USP43: variants seen among roughly 807,000 people sequenced by gnomAD.
USP43 encodes ubiquitin carboxyl-terminal hydrolase 43.
In USP43, 33 loss-of-function variants were observed where a neutral mutation model predicts 90.7. That is an observed-to-expected ratio of 0.36 (90% CI 0.28 to 0.49). The LOEUF (loss-of-function observed/expected upper bound fraction) is 0.49. Among genes scored for constraint, USP43 ranks in the 20% least tolerant of loss-of-function variants. The pLI is 0.98. For missense variants in USP43, 1,274 were observed against 1,476.4 expected, an observed-to-expected ratio of 0.86 and a Z score of 2.25; for synonymous variants, 598 against 615.8, an observed-to-expected ratio of 0.97 and a Z score of 0.43.
intron 5 of USP43, among the ~76,000 whole-genome samples, chr17:9,677,205 T>C (rs1275775055): frequency 6.6e-6 from 1 of 152,212 alleles, no homozygotes; most frequent in African/African-American, 2.4e-5. Flanking sequence ...TCATGCCTGA[T>C]TTAATCACAG....
chr17:9,725,009 T>A (rs574108389), intron 14 of USP43, among the ~76,000 whole-genome samples: 1 of 152,160 alleles, frequency 6.6e-6, no homozygotes, highest in Admixed American at 6.5e-5. Context: ...GATTGATGCA[T>A]ACTTCATTGG....
At chr17:9,722,288 C>A (rs1917002578) in intron 14 of USP43, among the ~76,000 whole-genome samples, 1 of 152,132 alleles carries the variant, frequency 6.6e-6, no homozygotes, top group Non-Finnish European at 1.5e-5. Flanking sequence ...TGCCTGCTAT[C>A]ATTTTGCCCC....
At chr17:9,660,313 G>A (rs1414857065) in intron 2 of USP43, among the ~76,000 whole-genome samples, 1 of 152,032 alleles carries the variant, frequency 6.6e-6, no homozygotes, top group Non-Finnish European at 1.5e-5. Context: ...ACCATGCCTG[G>A]CTAATTTTTG....
chr17:9,658,689 G>A (rs1043156563), intron 2 of USP43, among the ~76,000 whole-genome samples: 6 of 152,176 alleles, frequency 3.9e-5, no homozygotes, highest in South Asian at 2.1e-4. Context: ...ACCCCTTTTC[G>A]TTGTGACAGA....
intron 5 of USP43, among the ~76,000 whole-genome samples, chr17:9,677,581 T>C (rs1913867322): frequency 6.6e-6 from 1 of 152,122 alleles, no homozygotes; most frequent in Non-Finnish European, 1.5e-5. Context: ...TCATGAGGAA[T>C]AGGGAGGAGG....
rs773968712 is a variant in USP43, at chr17:9,727,985, C to T, written c.2367C>T (p.Gly789=). The change falls in exon 15 of 15, where the codon GGC becomes GGT. Residue 789 remains glycine (G), a synonymous_variant. Transcript: ENST00000285199. Reference sequence around the variant, plus strand: ...TGGAGCCCAGGCGTTTGGTACGGGGCGTGAAAGGCAGAAGCATTAGCATGA... The same window carrying T: ...TGGAGCCCAGGCGTTTGGTACGGGGTGTGAAAGGCAGAAGCATTAGCATGA... ...GGLEPRRLVR[G]VKGRSISMKA... is the part of the protein sequence containing the mutation. The T allele has an allele frequency of 1.4e-5, 23 of 1,610,338 alleles. No homozygotes were observed. Among genetic ancestry groups the T allele is most frequent in the Admixed American group, 3.3e-5 (2 of 59,868 alleles).
chr17:9,660,544 C>T (rs1912569616), intron 2 of USP43, among the ~76,000 whole-genome samples: 2 of 152,194 alleles, frequency 1.3e-5, no homozygotes, highest in Admixed American at 6.5e-5. Flanking sequence ...CTCCACACCA[C>T]CACTAGATAG....
intron 12 of USP43, among the ~76,000 whole-genome samples, chr17:9,707,281 G>A (rs987751991): frequency 6.6e-6 from 1 of 152,078 alleles, no homozygotes; most frequent in Non-Finnish European, 1.5e-5. Flanking sequence ...AATTTCATGA[G>A]TCGATAATTA....
chr17:9,711,909 G>T (rs1025747408), intron 13 of USP43, 59 bp from the exon 14 acceptor site: 3 of 1,497,076 alleles, frequency 2.0e-6, no homozygotes, highest in Admixed American at 2.2e-5. Flanking sequence ...GAGATGCTCC[G>T]CTAGGACTCT....
chr17:9,676,704 C>T, intron 4 of USP43, 42 bp from the exon 5 acceptor site: 2 of 1,591,380 alleles, frequency 1.3e-6, no homozygotes, highest in Non-Finnish European at 1.7e-6. Context: ...ATTCACAGTT[C>T]ATGTCAGTCC....
At chr17:9,713,390 A>G (rs1342167824) in intron 14 of USP43, among the ~76,000 whole-genome samples, 1 of 151,978 alleles carries the variant, frequency 6.6e-6, no homozygotes, top group Non-Finnish European at 1.5e-5. Context: ...CACCTGGCCT[A>G]TTTGTACCTA....
chr17:9,649,582 T>C (rs1280922368), intron 1 of USP43, among the ~76,000 whole-genome samples: 1 of 151,378 alleles, frequency 6.6e-6, no homozygotes, highest in Non-Finnish European at 1.5e-5. Context: ...CTTATGTCCA[T>C]GTGTACCCAA....
Position 9,728,528 on chromosome 17 carries a change from CT to C in USP43, c.2911del (p.Tyr971IlefsTer18). 1 of 1,613,966 alleles carries C rather than the reference CT, an allele frequency of 6.2e-7. No individual in the cohort carries two copies. The highest frequency in any genetic ancestry group is 8.5e-7 in the Non-Finnish European group (1 of 1,179,886). ...MGSKSSPPSP[Y>X]MGFSGNSKDS... ...GAAGCAAAAGCAGCCCACCCTCCCC[CT>C]ATATGGGATTCTCTGGAAACAGCAA... On this transcript the variant is annotated frameshift_variant, in exon 15 of 15. Coordinates refer to ENST00000285199, the MANE Select transcript of USP43 (RefSeq NM_153210.5). LOFTEE classifies it low-confidence loss of function (END_TRUNC). The surrounding 1 kb of genome is among the most constrained non-coding windows in gnomAD (Gnocchi z 6.2).
intron 1 of USP43, among the ~76,000 whole-genome samples, chr17:9,655,991 G>A (rs780692149): frequency 1.2e-4 from 18 of 152,142 alleles, no homozygotes; most frequent in East Asian, 3.9e-4. Flanking sequence ...GCTGTTCACC[G>A]TCTAGGTGAA....
chr17:9,710,661 C>A (rs1213896627), intron 13 of USP43, among the ~76,000 whole-genome samples: 3 of 151,894 alleles, frequency 2.0e-5, no homozygotes, highest in Non-Finnish European at 2.9e-5. Context: ...CGTGCCACCA[C>A]CATGCCCAGC....
intron 1 of USP43, among the ~76,000 whole-genome samples, chr17:9,650,335 A>C (rs532972452): frequency 6.6e-6 from 1 of 152,326 alleles, no homozygotes; most frequent in East Asian, 1.9e-4. Flanking sequence ...TAAGCATAAA[A>C]TTTAGGAAGT....
chr17:9,664,021 C>G (rs1398068404), intron 2 of USP43, among the ~76,000 whole-genome samples: 1 of 152,212 alleles, frequency 6.6e-6, no homozygotes, highest in Non-Finnish European at 1.5e-5. Flanking sequence ...GCACCAGACT[C>G]ACTTTCCAGC....
At chr17:9,679,970 G>A (rs894705291) in intron 5 of USP43, among the ~76,000 whole-genome samples, 11 of 146,988 alleles carry the variant, frequency 7.5e-5, no homozygotes, top group African/African-American at 1.3e-4. Flanking sequence ...GCTTTATTTT[G>A]TTGTCATTTT....
intron 13 of USP43, among the ~76,000 whole-genome samples, chr17:9,710,770 A>G (rs545585584): frequency 1.3e-5 from 2 of 152,202 alleles, no homozygotes; most frequent in South Asian, 4.2e-4. Flanking sequence ...CAGCCTCTCT[A>G]AGGTAGCTGT....
Sources: gnomAD v4.1 joint callset for allele counts (sites outside exome capture counted in the v4.1 genomes callset) on GRCh38, gnomAD v4.1.1 for gene constraint, Gnocchi (gnomAD v3.1) non-coding constraint, MANE v1.5 for transcripts, NCBI Gene and HGNC (gene_info 2026-07-23, HGNC 2026-07-21) for gene names.